TAF3: variants seen among roughly 807,000 people sequenced by gnomAD.
The protein encoded by TAF3 is TATA-box binding protein associated factor 3.
Under a neutral mutation model 80.6 loss-of-function variants are expected in TAF3, and 7 were observed. The observed-to-expected ratio is 0.09, with a 90% CI of 0.05 to 0.16. The LOEUF is 0.16. Among genes scored for constraint, TAF3 ranks in the 10% least tolerant of loss-of-function variants. The pLI is 1.00. For synonymous variants in TAF3, 444 were observed against 446.1 expected (o/e 1.00, Z 0.06); for missense variants, 921 against 1,140.2 (o/e 0.81, Z 2.77).
chr10:7,862,251 C>T (rs770349611), intron 2 of TAF3, among the ~76,000 whole-genome samples: 1 of 152,166 alleles, frequency 6.6e-6, no homozygotes, highest in African/African-American at 2.4e-5. Flanking sequence ...CCTTTCTCTT[C>T]AGTATGGATC....
At chr10:7,999,616 C>T (rs1255929057) in intron 4 of TAF3, among the ~76,000 whole-genome samples, 1 of 151,996 alleles carries the variant, frequency 6.6e-6, no homozygotes, top group Non-Finnish European at 1.5e-5. Context: ...ACCACCATGC[C>T]CGGCTAATTT....
intron 2 of TAF3, among the ~76,000 whole-genome samples, chr10:7,928,048 G>A (rs1252268532): frequency 6.6e-6 from 1 of 152,042 alleles, no homozygotes; most frequent in Non-Finnish European, 1.5e-5. Context: ...TTTTGAAAGG[G>A]ACTAGTCTTT....
intron 2 of TAF3, among the ~76,000 whole-genome samples, chr10:7,831,805 A>G (rs551696195): frequency 6.6e-6 from 1 of 152,254 alleles, no homozygotes; most frequent in South Asian, 2.1e-4. Flanking sequence ...CTCAGCATGT[A>G]TAGTCATGTT....
chr10:7,961,742 C>T (rs1831501570), intron 2 of TAF3, among the ~76,000 whole-genome samples: 1 of 152,190 alleles, frequency 6.6e-6, no homozygotes, highest in Admixed American at 6.5e-5. Flanking sequence ...GTTCATCAAA[C>T]TCTGTGTCTA....
chr10:7,870,149 A>G (rs1026453906), intron 2 of TAF3, among the ~76,000 whole-genome samples: 4 of 152,210 alleles, frequency 2.6e-5, no homozygotes, highest in African/African-American at 7.2e-5. Context: ...TGTCTTTCCC[A>G]TTACATTACT....
chr10:7,858,995 G>T (rs1205790906), intron 2 of TAF3, among the ~76,000 whole-genome samples: 1 of 152,142 alleles, frequency 6.6e-6, no homozygotes, highest in Non-Finnish European at 1.5e-5. Context: ...AAGTGTGGTG[G>T]CTCACGCCTG....
At chr10:7,894,488 AC>A (rs1176331358) in intron 2 of TAF3, among the ~76,000 whole-genome samples, 1 of 152,200 alleles carries the variant, frequency 6.6e-6, no homozygotes, top group Non-Finnish European at 1.5e-5. Flanking sequence ...TGCGTCAGTG[AC>A]CTGATCGATT....
chr10:7,961,859 T>C (rs887144265), intron 2 of TAF3, among the ~76,000 whole-genome samples: 2 of 152,174 alleles, frequency 1.3e-5, no homozygotes, highest in African/African-American at 2.4e-5. Context: ...TCCCTTTTTT[T>C]TTTCTTTAAA....
chr10:7,937,672 G>A (rs1047183308), intron 2 of TAF3, among the ~76,000 whole-genome samples: 14 of 152,162 alleles, frequency 9.2e-5, no homozygotes, highest in African/African-American at 3.4e-4. Flanking sequence ...CCATCCTGAA[G>A]GATGAGTAAC....
intron 3 of TAF3, among the ~76,000 whole-genome samples, chr10:7,970,602 C>G (rs1424917798): frequency 6.6e-6 from 1 of 152,118 alleles, no homozygotes; most frequent in Non-Finnish European, 1.5e-5. Context: ...AAGGGCACAT[C>G]ATGATTTTAT....
intron 2 of TAF3, among the ~76,000 whole-genome samples, chr10:7,960,006 G>A (rs1367471180): frequency 6.6e-6 from 1 of 152,146 alleles, no homozygotes; most frequent in African/African-American, 2.4e-5. Flanking sequence ...CACACTGTTA[G>A]AGCTGAGCTA....
intron 3 of TAF3, among the ~76,000 whole-genome samples, chr10:7,970,783 T>G (rs572689958): frequency 2.0e-5 from 3 of 152,326 alleles, no homozygotes; most frequent in East Asian, 1.9e-4. Flanking sequence ...AAATAATCTT[T>G]TATTAAATTT....
intron 2 of TAF3, among the ~76,000 whole-genome samples, chr10:7,840,368 G>A (rs1377434271): frequency 1.3e-5 from 2 of 151,900 alleles, no homozygotes; most frequent in African/African-American, 2.4e-5. Context: ...TAGCCAGGAT[G>A]GTCTCGATCT....
intron 4 of TAF3, among the ~76,000 whole-genome samples, chr10:8,000,457 A>G (rs767943779): frequency 6.6e-6 from 1 of 151,880 alleles, no homozygotes; most frequent in Admixed American, 6.6e-5. Flanking sequence ...TTAATTATGG[A>G]TAAATCAAAA....
Position 7,965,024 on chromosome 10 carries a change from T to C in TAF3, c.1514T>C (p.Leu505Pro), listed in dbSNP as rs771938619. Residue 505 changes from leucine to proline, a missense_variant, in exon 3 of 7, where the codon CTC becomes CCC. This residue lies in a region of TAF3 where 743 missense variants were observed against 821.0 expected (regional missense o/e 0.90). Transcript: ENST00000344293. Reference sequence around the variant, plus strand: ...GTGTCTCCTCCCACTCCCGAACCTCTCCACAAGGTGTATGAGGAGAAAACC... The same window carrying C: ...GTGTCTCCTCCCACTCCCGAACCTCCCCACAAGGTGTATGAGGAGAAAACC... Reference protein sequence around the residue: ...PSVSPPTPEPLHKVYEEKTKL... With the variant: ...PSVSPPTPEPPHKVYEEKTKL... 6.8e-6 allele frequency: 11 copies of C among 1,613,826 alleles called. No individual in the cohort carries two copies. The highest frequency in any genetic ancestry group is 9.3e-6 in the Non-Finnish European group (11 of 1,180,024).
At chr10:7,859,178 G>A (rs939107741) in intron 2 of TAF3, among the ~76,000 whole-genome samples, 6 of 151,986 alleles carry the variant, frequency 3.9e-5, no homozygotes, top group East Asian at 3.9e-4. Context: ...GGAGAATGGC[G>A]TGAACCCAGG....
Position 7,965,048 on chromosome 10 carries a change from C to G in TAF3, c.1538C>G (p.Thr513Ser). The G allele has an allele frequency of 6.2e-7, 1 of 1,613,972 alleles. No homozygotes were observed. The change falls in exon 3 of 7, where the codon ACC (threonine) becomes AGC (serine). Residue 513 changes from threonine (T) to serine (S), a missense_variant. Thr to Ser is a moderately conservative substitution (Grantham distance 58, BLOSUM62 1). This residue lies in a region of TAF3 where 743 missense variants were observed against 821.0 expected (regional missense o/e 0.90). Transcript: ENST00000344293. ...CTCCACAAGGTGTATGAGGAGAAAA[C>G]CAAGCTGCCTTCCTCCGTGGAGGTA... ...EPLHKVYEEK[T>S]KLPSSVEVKK...
intron 2 of TAF3, among the ~76,000 whole-genome samples, chr10:7,881,251 A>C (rs1283599150): frequency 1.3e-5 from 2 of 151,024 alleles, no homozygotes; most frequent in Non-Finnish European, 2.9e-5. Context: ...AAAAAAAAAA[A>C]CAAAAAAAAA....
chr10:7,839,263 C>T (rs763865476), intron 2 of TAF3, among the ~76,000 whole-genome samples: 4 of 152,114 alleles, frequency 2.6e-5, no homozygotes, highest in Non-Finnish European at 5.9e-5. Context: ...ATATCTCTAC[C>T]ATCATACTTC....
Sources: gnomAD v4.1 joint callset for allele counts (sites outside exome capture counted in the v4.1 genomes callset) on GRCh38, gnomAD v4.1.1 for gene constraint, gnomAD v4.1.1 regional missense constraint, MANE v1.5 for transcripts, NCBI Gene and HGNC (gene_info 2026-07-23, HGNC 2026-07-21) for gene names.